The following MATN2 variants were observed in gnomAD, a reference collection of about 807,000 sequenced individuals.
The protein encoded by MATN2 is matrilin 2, also known as matrilin-2.
Under a neutral mutation model 103.2 loss-of-function variants are expected in MATN2, and 69 were observed. The ratio of observed to expected loss-of-function variants is 0.67; its 90% CI spans 0.55 to 0.82. MATN2 has a LOEUF of 0.82. MATN2 is among the 40% of genes least tolerant of loss of function. The pLI is 0.00. For missense variants in MATN2, 1,023 were observed against 1,211.5 expected (o/e 0.84, Z 2.31); for synonymous variants, 429 against 450.2 (o/e 0.95, Z 0.60).
intron 6 of MATN2, among the ~76,000 whole-genome samples, chr8:97,991,490 G>A (rs541863477): frequency 2.0e-5 from 3 of 152,310 alleles, no homozygotes; most frequent in African/African-American, 7.2e-5. Flanking sequence ...GAGAGGCCGA[G>A]GCGAGTGGAT....
intron 8 of MATN2, among the ~76,000 whole-genome samples, chr8:98,004,462 G>A (rs1042934327): frequency 2.6e-5 from 4 of 152,192 alleles, no homozygotes; most frequent in Admixed American, 1.3e-4. Context: ...ACTTGGGCAA[G>A]TTATTTAACT....
intron 2 of MATN2, among the ~76,000 whole-genome samples, chr8:97,910,874 TTTA>T (rs1809398241): frequency 1.3e-5 from 2 of 152,224 alleles, no homozygotes; most frequent in South Asian, 4.1e-4. Context: ...GTGTACAACA[TTTA>T]GCATTATACT....
At chr8:97,985,209 T>C (rs6468607) in intron 6 of MATN2, among the ~76,000 whole-genome samples, 44,410 of 151,862 alleles carry the variant, frequency 0.29, 7,843 homozygotes, top group African/African-American at 0.5. Flanking sequence ...AGAGATCACA[T>C]GGTGAGAGAG....
At chr8:97,904,915 T>G (rs1819111755) in intron 2 of MATN2, among the ~76,000 whole-genome samples, 1 of 152,218 alleles carries the variant, frequency 6.6e-6, no homozygotes, top group Admixed American at 6.5e-5. Flanking sequence ...AAACTCTAAG[T>G]GCAGTTTAGC....
At chr8:97,932,349 G>A (rs971267400) in intron 3 of MATN2, among the ~76,000 whole-genome samples, 2 of 152,088 alleles carry the variant, frequency 1.3e-5, no homozygotes, top group Admixed American at 6.5e-5. Flanking sequence ...GGCAGGGGAT[G>A]TTTTCTCAGC....
intron 12 of MATN2, 99 bp downstream of exon 12, chr8:98,018,215 C>A: frequency 6.8e-7 from 1 of 1,472,732 alleles, no homozygotes; most frequent in South Asian, 1.2e-5. Flanking sequence ...TTACCACTGT[C>A]ACAAGTGTCA....
intron 2 of MATN2, among the ~76,000 whole-genome samples, chr8:97,895,207 A>G (rs1322066244): frequency 6.6e-6 from 1 of 152,090 alleles, no homozygotes; most frequent in Non-Finnish European, 1.5e-5. Context: ...CTGCCACTCA[A>G]TGGATTTCTA....
Position 97,992,928 on chromosome 8 carries a change from C to CAACAATAAT in MATN2, c.1082-1550_1082-1549insCAATAATAA, listed in dbSNP as rs140329600. On this transcript the variant is annotated intron_variant, in intron 6 of 18. Coordinates refer to ENST00000254898, the MANE Select transcript of MATN2 (RefSeq NM_002380.5). Reference sequence around the variant, plus strand: ...GAGCGAGACTCTGTCTCAAAACAAACAATAATAATAATAATAATAATAATA... The same window carrying CAACAATAAT: ...GAGCGAGACTCTGTCTCAAAACAAACAACAATAATAATAATAATAATAATAATAATAATA... Among the ~76,000 whole-genome samples, 8 of 144,592 alleles carry CAACAATAAT rather than the reference C, an allele frequency of 5.5e-5. No homozygotes were observed. In the South Asian group the frequency reaches 6.6e-4, roughly 12 times the overall value. The allele number at this position is 144,592 out of a possible 152,430, so 94.9% of individuals were successfully genotyped here. A position where few individuals can be genotyped will look rare whatever the true frequency, so the allele number is the denominator to read the frequency against.
At chr8:97,916,215 A>G (rs775500810) in intron 2 of MATN2, among the ~76,000 whole-genome samples, 8 of 151,916 alleles carry the variant, frequency 5.3e-5, no homozygotes, top group Non-Finnish European at 1.5e-5. Context: ...AATTGCAGGC[A>G]CGCGCTACAA....
At chr8:97,978,594 G>A (rs527409126) in intron 5 of MATN2, among the ~76,000 whole-genome samples, 27 of 152,208 alleles carry the variant, frequency 1.8e-4, no homozygotes, top group Non-Finnish European at 3.8e-4. Flanking sequence ...CAGTTTACTA[G>A]GTGTAAGTGC....
chr8:97,892,244 A>G (rs528606610), intron 2 of MATN2, among the ~76,000 whole-genome samples: 182 of 151,420 alleles, frequency 1.2e-3, no homozygotes, highest in African/African-American at 4.0e-3. Context: ...TCAAAAAAAA[A>G]AAAGAAAGAA....
chr8:97,944,618 C>T (rs1013335160), intron 4 of MATN2, among the ~76,000 whole-genome samples: 2 of 152,192 alleles, frequency 1.3e-5, no homozygotes, highest in African/African-American at 2.4e-5. Context: ...TCAGTTTCCT[C>T]GCCCATAAGA....
intron 2 of MATN2, among the ~76,000 whole-genome samples, chr8:97,902,267 G>T (rs1329657330): frequency 1.3e-5 from 2 of 151,378 alleles, no homozygotes; most frequent in Non-Finnish European, 2.9e-5. Flanking sequence ...AGGCCGTGGT[G>T]GGCAGATCAC....
intron 4 of MATN2, chr8:97,952,243 G>A (rs1013361745): frequency 6.6e-6 from 1 of 152,140 alleles, no homozygotes; most frequent in Non-Finnish European, 1.5e-5. Flanking sequence ...CTCTTGCTGT[G>A]ATAAACAATT....
intron 10 of MATN2, among the ~76,000 whole-genome samples, chr8:98,009,701 C>T (rs1249782087): frequency 6.6e-6 from 1 of 152,130 alleles, no homozygotes; most frequent in South Asian, 2.1e-4. Context: ...GCCTTTTTGC[C>T]TCGGGCAGTT....
intron 2 of MATN2, among the ~76,000 whole-genome samples, chr8:97,908,000 G>A (rs762290376): frequency 1.3e-5 from 2 of 152,252 alleles, no homozygotes; most frequent in Admixed American, 6.5e-5. Flanking sequence ...TTAGCTGGGC[G>A]TGGTGGCAGA....
intron 1 of MATN2, among the ~76,000 whole-genome samples, chr8:97,873,240 A>G (rs1817958627): frequency 6.6e-6 from 1 of 152,216 alleles, no homozygotes; most frequent in African/African-American, 2.4e-5. Flanking sequence ...AGAAAGAAAT[A>G]TTAGAGTATT....
chr8:97,955,987 G>A (rs1811131672), intron 4 of MATN2, among the ~76,000 whole-genome samples: 1 of 152,322 alleles, frequency 6.6e-6, no homozygotes, highest in African/African-American at 2.4e-5. Flanking sequence ...GCCCCAAAGT[G>A]GGGCTTAGCC....
At chr8:97,880,923 G>A (rs1402016312) in intron 1 of MATN2, among the ~76,000 whole-genome samples, 1 of 152,166 alleles carries the variant, frequency 6.6e-6, no homozygotes, top group African/African-American at 2.4e-5. Context: ...CTGCCTGAGA[G>A]GTGCCAGGGT....
Sources: allele counts gnomAD v4.1 joint callset (sites outside exome capture counted in the v4.1 genomes callset), GRCh38; gene constraint gnomAD v4.1.1; transcripts MANE v1.5; gene names NCBI Gene and HGNC (gene_info 2026-07-23, HGNC 2026-07-21).